Variants in ARFGEF1 observed in about 807,000 individuals in gnomAD.
ARFGEF1 encodes the protein brefeldin A-inhibited guanine nucleotide-exchange protein 1.
Under a neutral mutation model 231.0 loss-of-function variants are expected in ARFGEF1, and 42 were observed. The ratio of observed to expected loss-of-function variants is 0.18; its 90% CI spans 0.14 to 0.24. The LOEUF (loss-of-function observed/expected upper bound fraction) is 0.24. ARFGEF1 is among the 10% of genes least tolerant of loss of function. ARFGEF1 has a pLI of 1.00. For synonymous variants in ARFGEF1, 710 were observed against 732.3 expected (o/e 0.97, Z 0.49); for missense variants, 1,345 against 2,192.0 (o/e 0.61, Z 7.72).
At chr8:67,189,867 A>AG (rs1835733018) in intron 5 of ARFGEF1, among the ~76,000 whole-genome samples, 1 of 152,078 alleles carries the variant, frequency 6.6e-6, no homozygotes, top group African/African-American at 2.4e-5. Flanking sequence ...GGAGTTGCGG[A>AG]GGTTACCGTA....
chr8:67,318,239 G>GAAAAA (rs34563091), intron 1 of ARFGEF1, among the ~76,000 whole-genome samples: 2 of 78,186 alleles, frequency 2.6e-5, no homozygotes, highest in Admixed American at 1.4e-4. Context: ...TCCGTCTCAA[G>GAAAAA]AAAAAAAAAA....
intron 1 of ARFGEF1, among the ~76,000 whole-genome samples, chr8:67,310,676 C>G (rs1043580605): frequency 5.3e-5 from 8 of 150,054 alleles, no homozygotes; most frequent in African/African-American, 1.9e-4. Context: ...GGCCGCCCAT[C>G]GTCTGAGATG....
intron 5 of ARFGEF1, among the ~76,000 whole-genome samples, chr8:67,179,560 C>T (rs981925124): frequency 2.0e-5 from 3 of 152,132 alleles, no homozygotes; most frequent in African/African-American, 7.2e-5. Flanking sequence ...TAATGTGATC[C>T]TTTTATTTGA....
chr8:67,194,363 CTG>C (rs1837280815), downstream of ARFGEF1, among the ~76,000 whole-genome samples: 1 of 152,142 alleles, frequency 6.6e-6, no homozygotes, highest in Non-Finnish European at 1.5e-5. Flanking sequence ...TAATTTAAAA[CTG>C]TACTCATATA....
At chr8:67,331,626 C>T (rs1430244353) in intron 1 of ARFGEF1, among the ~76,000 whole-genome samples, 1 of 151,716 alleles carries the variant, frequency 6.6e-6, no homozygotes, top group Admixed American at 6.6e-5. Context: ...ACTCTAATAA[C>T]CCTCAAGAAA....
chr8:67,201,247 C>G (rs535244028), intron 37 of ARFGEF1, among the ~76,000 whole-genome samples: 2 of 152,288 alleles, frequency 1.3e-5, no homozygotes, highest in South Asian at 4.1e-4. Flanking sequence ...AGTTTTAAAA[C>G]AGAAAACCTC....
intron 1 of ARFGEF1, among the ~76,000 whole-genome samples, chr8:67,341,570 C>A (rs1004514479): frequency 1.3e-5 from 2 of 152,080 alleles, no homozygotes; most frequent in Non-Finnish European, 2.9e-5. Context: ...GCGCTTCAGT[C>A]TGGGTGACAG....
intron 3 of ARFGEF1, among the ~76,000 whole-genome samples, chr8:67,299,657 C>T (rs1018899866): frequency 6.6e-6 from 1 of 152,116 alleles, no homozygotes; most frequent in African/African-American, 2.4e-5. Flanking sequence ...GTTAGAATTG[C>T]TTACTGTGCT....
rs536569087 is a variant in ARFGEF1, at chr8:67,223,502, G to C, written c.4208+1401C>G. On this transcript the variant is annotated intron_variant, in intron 29 of 38. Coordinates refer to ENST00000262215, the MANE Select transcript of ARFGEF1 (RefSeq NM_006421.5). The stretch of plus-strand genomic sequence containing the variant: ...GGCATCCGGCCCACATTTTAAGATG[G>C]AAGCTAAATAGCAACCCATACATAT... 8.6e-4 allele frequency among the ~76,000 whole-genome samples: 131 copies of C among 152,234 alleles called. 1 individual carries two copies. The highest frequency in any genetic ancestry group is 3.1e-3 in the African/African-American group (128 of 41,522).
chr8:67,218,930 C>T (rs1168743111), intron 30 of ARFGEF1, among the ~76,000 whole-genome samples: 1 of 151,950 alleles, frequency 6.6e-6, no homozygotes, highest in African/African-American at 2.4e-5. Flanking sequence ...CAAAACAGAA[C>T]AAAAAAATCA....
intron 1 of ARFGEF1, among the ~76,000 whole-genome samples, chr8:67,340,406 T>C (rs1808572661): frequency 1.3e-5 from 2 of 152,210 alleles, no homozygotes; most frequent in Admixed American, 1.3e-4. Context: ...TCAGTTTGCT[T>C]TCCCATCCTG....
chr8:67,269,257 G>C (rs930614338), intron 10 of ARFGEF1, among the ~76,000 whole-genome samples: 1 of 151,194 alleles, frequency 6.6e-6, no homozygotes, highest in Non-Finnish European at 1.5e-5. Flanking sequence ...ACTCTGAAGT[G>C]AATATTCTCA....
rs777585058 is a variant in ARFGEF1, at chr8:67,324,209, G to A, written c.124+18955C>T. 6.6e-5 allele frequency among the ~76,000 whole-genome samples: 10 copies of A among 152,268 alleles called. No individual in the cohort carries two copies. The East Asian group carries it at 7.7e-4, about 12-fold the overall frequency. ...TACTGTCTACAATAGAAGGTGGGGCGCTTGAACATGGGAGGCAGAGTTTGC... is the reference window on the plus strand; with the variant it reads ...TACTGTCTACAATAGAAGGTGGGGCACTTGAACATGGGAGGCAGAGTTTGC... On this transcript the variant is annotated intron_variant, in intron 1 of 38. Coordinates refer to ENST00000262215, the MANE Select transcript of ARFGEF1 (RefSeq NM_006421.5).
chr8:67,209,947 T>C (rs1043030789), intron 34 of ARFGEF1, among the ~76,000 whole-genome samples: 10 of 151,360 alleles, frequency 6.6e-5, no homozygotes, highest in African/African-American at 2.4e-4. Flanking sequence ...GGTCAGGAGA[T>C]CGAGACCACC....
Position 67,190,658 on chromosome 8 carries a change from G to A in ARFGEF1, c.560+9738C>T, listed in dbSNP as rs1835967725. On this transcript the variant is annotated intron_variant, in intron 5 of 5. Transcript: ENST00000518789. ...TTTCGGGGTCCTCTTAGGGGCTTAC[G>A]GTGAGACATATCCTGCCATTGAAGA... 6.2e-7 allele frequency: 1 copy of A among 1,613,662 alleles called. No individual in the cohort carries two copies. The highest frequency in any genetic ancestry group is 1.3e-5 in the African/African-American group (1 of 74,894).
rs775335992 is a variant in ARFGEF1, at chr8:67,218,036, T to C, written c.4441A>G (p.Ile1481Val). ...EVLSDVLLDD[I>V]FAQLYWCVQQ... Reference sequence around the variant, plus strand: ...ACACACCAGTAGAGCTGAGCAAAAATGTCATCCAAAAGTACATCACTGAGT... The same window carrying C: ...ACACACCAGTAGAGCTGAGCAAAAACGTCATCCAAAAGTACATCACTGAGT... The change falls in exon 31 of 39, where the codon ATT (isoleucine) becomes GTT (valine). Residue 1481 changes from isoleucine to valine, a missense_variant. By Grantham distance (29) the Ile-to-Val change is conservative (BLOSUM62 3). Around this residue, in one of 14 missense-constraint regions of ARFGEF1, gnomAD observed 54 missense variants for 86.5 expected, o/e 0.62. Coordinates refer to ENST00000262215, the MANE Select transcript of ARFGEF1 (RefSeq NM_006421.5). The C allele has an allele frequency of 2.5e-6, 4 of 1,611,964 alleles. No homozygotes were observed. Among genetic ancestry groups the C allele is most frequent in the East Asian group, 2.2e-5 (1 of 44,848 alleles).
chr8:67,198,259 TAAAA>T lies in ARFGEF1; in HGVS notation c.*671_*674del. 1 of 985,584 alleles carries T rather than the reference TAAAA, an allele frequency of 1.0e-6. No homozygotes were observed. Among genetic ancestry groups the T allele is most frequent in the Non-Finnish European group, 1.2e-6 (1 of 829,834 alleles). The allele number at this position is 985,584 out of a possible 1,614,324, so 61.1% of individuals were successfully genotyped here. A position where few individuals can be genotyped will look rare whatever the true frequency, so the allele number is the denominator to read the frequency against. ...GGCAAAACTAAAAATCCCTATAAAA[TAAAA>T]AAGAAAGTTCCACCCAAATGTTTAG... On this transcript the variant is annotated 3_prime_UTR_variant, in exon 39 of 39. Transcript: ENST00000262215.
intron 29 of ARFGEF1, among the ~76,000 whole-genome samples, chr8:67,219,976 G>A (rs1839091988): frequency 6.6e-6 from 1 of 152,154 alleles, no homozygotes; most frequent in African/African-American, 2.4e-5. Context: ...TTTTTCAAAT[G>A]GGGATTTTTA....
intron 36 of ARFGEF1, 151 bp downstream of exon 36, chr8:67,202,932 G>A (rs1838385210): frequency 4.1e-6 from 3 of 735,848 alleles, no homozygotes; most frequent in Non-Finnish European, 6.1e-6. Context: ...AAAGGGCCTC[G>A]TTGTGAGGTT....
Sources: gnomAD v4.1 joint callset for allele counts (sites outside exome capture counted in the v4.1 genomes callset) on GRCh38, gnomAD v4.1.1 for gene constraint, gnomAD v4.1.1 regional missense constraint, MANE v1.5 for transcripts, NCBI Gene and HGNC (gene_info 2026-07-23, HGNC 2026-07-21) for gene names.